Variants in COLGALT2 observed in about 807,000 individuals in gnomAD.
COLGALT2 encodes procollagen galactosyltransferase 2.
Under a neutral mutation model 73.4 loss-of-function variants are expected in COLGALT2, and 49 were observed. The ratio of observed to expected loss-of-function variants is 0.67; its 90% confidence interval spans 0.53 to 0.85. The LOEUF (loss-of-function observed/expected upper bound fraction) is 0.85. COLGALT2 is among the 40% of genes least tolerant of loss of function. COLGALT2 has a pLI of 0.00. For synonymous variants in COLGALT2, 295 were observed against 307.6 expected (o/e 0.96, Z 0.43); for missense variants, 722 against 790.2 (o/e 0.91, Z 1.03).
chr1:183,963,734 T>C (rs147053648), intron 6 of COLGALT2, among the ~76,000 whole-genome samples, 167 bp downstream of exon 6: 1 of 152,312 alleles, frequency 6.6e-6, no homozygotes, highest in Non-Finnish European at 1.5e-5. Flanking sequence ...ATATTCATAT[T>C]TCCCATAGGA....
chr1:183,981,655 T>C (rs992373461), intron 1 of COLGALT2, among the ~76,000 whole-genome samples: 3 of 152,164 alleles, frequency 2.0e-5, no homozygotes, highest in Non-Finnish European at 2.9e-5. Context: ...AGATGCTCTC[T>C]CAATAAATAT....
intron 1 of COLGALT2, among the ~76,000 whole-genome samples, chr1:183,989,047 T>C (rs1253157081): frequency 1.3e-5 from 2 of 152,260 alleles, no homozygotes; most frequent in African/African-American, 2.4e-5. Flanking sequence ...AGAGACTCTC[T>C]TCCAAAGATG....
chr1:183,930,920 T>G (rs954967826), downstream of COLGALT2, among the ~76,000 whole-genome samples: 1 of 152,322 alleles, frequency 6.6e-6, no homozygotes, highest in Admixed American at 6.5e-5. Context: ...TTTAATTATT[T>G]TAGACTCACA....
At chr1:184,027,557 T>C (rs549970388) in intron 1 of COLGALT2, among the ~76,000 whole-genome samples, 1 of 152,298 alleles carries the variant, frequency 6.6e-6, no homozygotes, top group South Asian at 2.1e-4. Context: ...GGCAGAACAA[T>C]GGTAAGGACC....
intron 1 of COLGALT2, among the ~76,000 whole-genome samples, chr1:183,981,077 A>G (rs1671335488): frequency 6.6e-6 from 1 of 152,200 alleles, no homozygotes; most frequent in Non-Finnish European, 1.5e-5. Flanking sequence ...GTAATGACAC[A>G]GGGATAAATG....
intron 11 of COLGALT2, among the ~76,000 whole-genome samples, chr1:183,940,134 T>C (rs892724833): frequency 1.3e-5 from 2 of 152,234 alleles, no homozygotes; most frequent in African/African-American, 2.4e-5. Flanking sequence ...TATATCATGA[T>C]GATTTGTTCA....
intron 1 of COLGALT2, among the ~76,000 whole-genome samples, chr1:183,999,257 A>C (rs1671851414): frequency 6.6e-6 from 1 of 152,140 alleles, no homozygotes; most frequent in African/African-American, 2.4e-5. Flanking sequence ...TCGATATGAT[A>C]AAATGCATCT....
chr1:183,938,853 TC>T lies in COLGALT2; in HGVS notation c.1788del (p.Lys597SerfsTer75). ...DWDRTHAWKS[R>X]KQSRIYSNAK... Reference sequence around the variant, plus strand: ...GCATTGCTGTAGATGCGGCTTTGCTTCCGGGACTTCCAGGCATGTGTCCTAT... The same window carrying T: ...GCATTGCTGTAGATGCGGCTTTGCTTCGGGACTTCCAGGCATGTGTCCTAT... On this transcript the variant is annotated frameshift_variant, in exon 12 of 12. Transcript: ENST00000361927. LOFTEE classifies it high-confidence loss of function. The T allele has an allele frequency of 6.2e-7, 1 of 1,614,144 alleles. No homozygotes were observed. The highest frequency in any genetic ancestry group is 8.5e-7 in the Non-Finnish European group (1 of 1,180,022).
chr1:184,014,645 T>C (rs997499069), intron 1 of COLGALT2, among the ~76,000 whole-genome samples: 1 of 152,110 alleles, frequency 6.6e-6, no homozygotes, highest in Non-Finnish European at 1.5e-5. Flanking sequence ...AAGTAATAAA[T>C]AAATATCTGT....
chr1:183,962,154 CTTTTTTT>C (rs34873073), intron 6 of COLGALT2, among the ~76,000 whole-genome samples: 8 of 85,540 alleles, frequency 9.4e-5, no homozygotes, highest in South Asian at 1.0e-3. Flanking sequence ...TTTTCTCTTT[CTTTTTTT>C]TTTTTTTTTT....
intron 1 of COLGALT2, among the ~76,000 whole-genome samples, chr1:183,989,162 T>A (rs1037091360): frequency 6.6e-6 from 1 of 152,220 alleles, no homozygotes; most frequent in African/African-American, 2.4e-5. Flanking sequence ...TTACTCTGCT[T>A]CATGAGTATC....
At chr1:183,949,909 T>C (rs1264869427) in intron 8 of COLGALT2, among the ~76,000 whole-genome samples, 3 of 152,212 alleles carry the variant, frequency 2.0e-5, no homozygotes, top group Admixed American at 6.5e-5. Context: ...ATGTGGTCTA[T>C]GAATGGGACT....
intron 4 of COLGALT2, among the ~76,000 whole-genome samples, chr1:183,973,366 G>A (rs1671101683): frequency 6.6e-6 from 1 of 152,096 alleles, no homozygotes; most frequent in South Asian, 2.1e-4. Context: ...ATCAGGAATT[G>A]GCTAATTTGA....
intron 1 of COLGALT2, among the ~76,000 whole-genome samples, chr1:184,020,299 C>T (rs959460095): frequency 1.3e-5 from 2 of 152,068 alleles, no homozygotes; most frequent in Non-Finnish European, 2.9e-5. Flanking sequence ...ATATTTCATT[C>T]CACTAACTGG....
intron 3 of COLGALT2, 66 bp from the exon 4 acceptor site, chr1:183,973,816 C>T (rs2296714): frequency 0.7 from 1,048,364 of 1,492,612 alleles, 383,613 homozygotes; most frequent in Non-Finnish European, 0.76. Flanking sequence ...GAGAATAACC[C>T]AGCCCTTCTG....
At chr1:183,976,225 G>A (rs1259572252) in intron 2 of COLGALT2, among the ~76,000 whole-genome samples, 2 of 151,946 alleles carry the variant, frequency 1.3e-5, no homozygotes, top group African/African-American at 4.8e-5. Flanking sequence ...ATTTTTGTTA[G>A]GCCAAACTCC....
At chr1:184,005,293 A>G (rs1271840425) in intron 1 of COLGALT2, among the ~76,000 whole-genome samples, 1 of 152,150 alleles carries the variant, frequency 6.6e-6, no homozygotes, top group Non-Finnish European at 1.5e-5. Flanking sequence ...ACCTTCTCAC[A>G]CAGGACCTCT....
At chr1:183,988,208 G>A (rs76878521) in intron 1 of COLGALT2, among the ~76,000 whole-genome samples, 2,872 of 152,210 alleles carry the variant, frequency 0.019, 70 homozygotes, top group African/African-American at 0.055. Flanking sequence ...CTAATATCAA[G>A]AGAATTGGAA....
At chr1:183,978,575 GA>G in intron 1 of COLGALT2, 55 bp from the exon 2 acceptor site, 1 of 1,146,066 alleles carries the variant, frequency 8.7e-7, no homozygotes. Flanking sequence ...GAAAGAGAGG[GA>G]AATCCAAAAG....
Sources: gnomAD v4.1 joint callset for allele counts (sites outside exome capture counted in the v4.1 genomes callset) on GRCh38, gnomAD v4.1.1 for gene constraint, MANE v1.5 for transcripts, NCBI Gene and HGNC (gene_info 2026-07-23, HGNC 2026-07-21) for gene names.